KCNIP4: variants seen among roughly 807,000 people sequenced by gnomAD.
The protein encoded by KCNIP4 is potassium voltage-gated channel interacting protein 4.
A neutral mutation model predicts 34.0 loss-of-function variants in KCNIP4; 12 were observed. The observed-to-expected ratio is 0.35, with a 90% confidence interval of 0.23 to 0.57. The LOEUF (loss-of-function observed/expected upper bound fraction) is 0.57, where lower values mean the gene tolerates loss of function less well. KCNIP4 is among the 20% of genes least tolerant of loss of function. The pLI, the probability that KCNIP4 is intolerant of heterozygous loss-of-function variation, is 0.83. For missense variants in KCNIP4, 238 were observed against 311.7 expected (o/e 0.76, Z 1.78); for synonymous variants, 124 against 102.2 (o/e 1.21, Z -1.29).
At chr4:21,737,323 C>T (rs1294343066) in intron 1 of KCNIP4, among the ~76,000 whole-genome samples, 1 of 151,964 alleles carries the variant, frequency 6.6e-6, no homozygotes, top group Non-Finnish European at 1.5e-5. Context: ...AGGCTATGTT[C>T]ACACATATAT....
At chr4:21,794,939 G>T (rs1352268712) in intron 1 of KCNIP4, among the ~76,000 whole-genome samples, 1 of 152,040 alleles carries the variant, frequency 6.6e-6, no homozygotes, top group South Asian at 2.1e-4. Context: ...AACTCACTGA[G>T]ACCTGAAGTT....
chr4:21,582,031 T>TA (rs1560534542), intron 1 of KCNIP4: 63 of 62,468 alleles, frequency 1.0e-3, no homozygotes, highest in Non-Finnish European at 2.0e-3. Context: ...TAGAATAGAA[T>TA]GGAATGGAAT....
At chr4:21,871,779 C>T (rs1725831730) in intron 1 of KCNIP4, among the ~76,000 whole-genome samples, 1 of 135,336 alleles carries the variant, frequency 7.4e-6, no homozygotes, top group South Asian at 2.9e-4. Context: ...CCCCCACCCA[C>T]CCCCACCCCC....
At chr4:20,984,113 C>T in intron 1 of KCNIP4, 1 of 806,478 alleles carries the variant, frequency 1.2e-6, no homozygotes, top group Non-Finnish European at 1.9e-6. Context: ...TAAAGTCCAG[C>T]TTCTCATGCT....
chr4:20,787,307 A>G (rs1228302959), intron 3 of KCNIP4, among the ~76,000 whole-genome samples: 1 of 152,120 alleles, frequency 6.6e-6, no homozygotes, highest in African/African-American at 2.4e-5. Context: ...ACCGCAATTT[A>G]TTTTTTAGGT....
At chr4:21,757,849 T>G (rs1717767081) in intron 1 of KCNIP4, among the ~76,000 whole-genome samples, 1 of 152,158 alleles carries the variant, frequency 6.6e-6, no homozygotes, top group East Asian at 1.9e-4. Context: ...TGTTCAGAAC[T>G]TTTTGTAGCC....
chr4:21,053,619 A>C (rs1743129100), intron 1 of KCNIP4, among the ~76,000 whole-genome samples: 1 of 152,202 alleles, frequency 6.6e-6, no homozygotes, highest in Non-Finnish European at 1.5e-5. Flanking sequence ...GAAAATACGA[A>C]AGAATTGATA....
chr4:21,701,906 G>A (rs946355698), intron 1 of KCNIP4, among the ~76,000 whole-genome samples: 2 of 152,032 alleles, frequency 1.3e-5, no homozygotes, highest in Non-Finnish European at 2.9e-5. Flanking sequence ...GTTTCACCAT[G>A]TTGGCCAGGC....
intron 1 of KCNIP4, among the ~76,000 whole-genome samples, chr4:21,668,787 T>C (rs1399469375): frequency 6.6e-6 from 1 of 151,812 alleles, no homozygotes; most frequent in African/African-American, 2.4e-5. Context: ...TACAATTTAC[T>C]TATAATTTAT....
intron 1 of KCNIP4, among the ~76,000 whole-genome samples, chr4:21,671,170 G>C (rs1342393650): frequency 6.6e-6 from 1 of 151,786 alleles, no homozygotes; most frequent in Non-Finnish European, 1.5e-5. Context: ...AACTGATTTA[G>C]AAACCTAAAA....
chr4:21,112,621 A>G (rs1749318173), intron 1 of KCNIP4, among the ~76,000 whole-genome samples: 1 of 152,226 alleles, frequency 6.6e-6, no homozygotes, highest in Non-Finnish European at 1.5e-5. Flanking sequence ...CTACTGGTAA[A>G]TGGTTCCTGG....
chr4:21,761,530 A>G (rs1718053461), intron 1 of KCNIP4, among the ~76,000 whole-genome samples: 1 of 152,028 alleles, frequency 6.6e-6, no homozygotes. Flanking sequence ...TTTTTTTACA[A>G]CCATCTTATA....
At chr4:21,355,599 C>A (rs185881611) in intron 1 of KCNIP4, among the ~76,000 whole-genome samples, 1 of 152,136 alleles carries the variant, frequency 6.6e-6, no homozygotes, top group Non-Finnish European at 1.5e-5. Flanking sequence ...AAGACTAAAC[C>A]AGGAAGAAGT....
chr4:21,424,702 A>G (rs1437417348), intron 1 of KCNIP4, among the ~76,000 whole-genome samples: 1 of 152,236 alleles, frequency 6.6e-6, no homozygotes, highest in African/African-American at 2.4e-5. Flanking sequence ...AAAACCTAAG[A>G]TTTATAAAAT....
At chr4:21,189,670 A>G (rs1304656501) in intron 1 of KCNIP4, among the ~76,000 whole-genome samples, 1 of 152,202 alleles carries the variant, frequency 6.6e-6, no homozygotes, top group Non-Finnish European at 1.5e-5. Context: ...TCTGAAGTTC[A>G]TTTAACTCAA....
intron 1 of KCNIP4, among the ~76,000 whole-genome samples, chr4:21,382,519 T>C (rs1424037332): frequency 4.6e-5 from 7 of 151,992 alleles, no homozygotes; most frequent in Non-Finnish European, 7.3e-5. Flanking sequence ...CAGGGTATAA[T>C]TGTAGCTATA....
intron 1 of KCNIP4, among the ~76,000 whole-genome samples, chr4:21,234,697 G>A (rs1298346156): frequency 6.7e-6 from 1 of 150,006 alleles, no homozygotes; most frequent in Non-Finnish European, 1.5e-5. Flanking sequence ...ACCCAGGCTG[G>A]AGTACAGTGG....
intron 1 of KCNIP4, among the ~76,000 whole-genome samples, chr4:21,005,651 G>C (rs1375674417): frequency 6.6e-6 from 1 of 152,112 alleles, no homozygotes; most frequent in Non-Finnish European, 1.5e-5. Flanking sequence ...AGTAGGACAA[G>C]TTTGATGAAT....
intron 1 of KCNIP4, among the ~76,000 whole-genome samples, chr4:21,050,984 C>G (rs527904336): frequency 6.6e-6 from 1 of 152,316 alleles, no homozygotes; most frequent in East Asian, 1.9e-4. Context: ...AGATTCCCAG[C>G]TAGAAAAACT....
Sources: gnomAD v4.1 joint callset for allele counts (sites outside exome capture counted in the v4.1 genomes callset) on GRCh38, gnomAD v4.1.1 for gene constraint, MANE v1.5 for transcripts, NCBI Gene and HGNC (gene_info 2026-07-23, HGNC 2026-07-21) for gene names.